The following LTF variants were observed in gnomAD, a reference collection of about 807,000 sequenced individuals.
LTF encodes the protein lactotransferrin, also known as epididymis luminal protein 110.
LTF carries 91 observed loss-of-function variants against 87.2 expected under a neutral mutation model. The observed-to-expected ratio is 1.04, with a 90% CI of 0.88 to 1.24. The LOEUF is 1.24. Ranked by LOEUF, LTF falls within the 50% of genes most tolerant of loss-of-function variation. The probability of loss-of-function intolerance (pLI) is 0.00; values close to 1 mark genes in which losing one functional copy is unlikely to be tolerated. For synonymous variants in LTF, 378 were observed against 356.1 expected (o/e 1.06, Z -0.69); for missense variants, 901 against 904.3 (o/e 1.00, Z 0.05).
intron 12 of LTF, among the ~76,000 whole-genome samples, chr3:46,444,915 C>T (rs1458930400): frequency 2.6e-5 from 4 of 152,196 alleles, no homozygotes; most frequent in African/African-American, 9.7e-5. Flanking sequence ...ATGAGGCAGG[C>T]AGACATCTTT....
At position 46,443,490 on chromosome 3, in the gene LTF, A is replaced by G; in HGVS notation, c.1606T>C (p.Cys536Arg). Residue 536 changes from cysteine (C) to arginine (R), a missense_variant, in exon 13 of 17, where the codon TGC becomes CGC. Coordinates refer to ENST00000231751, the MANE Select transcript of LTF (RefSeq NM_002343.6). The stretch of plus-strand genomic sequence containing the variant: ...TATCTCTCGTTGCTGTTGGGCACGC[A>G]CTTATTCTCACCCTGCTCGTCGCCA... ...CIGDEQGENK[C>R]VPNSNERYYG... 6.2e-7 allele frequency: 1 copy of G among 1,614,194 alleles called. No homozygotes were observed. The highest frequency in any genetic ancestry group is 8.5e-7 in the Non-Finnish European group (1 of 1,180,042).
upstream of LTF, among the ~76,000 whole-genome samples, chr3:46,467,587 AC>A (rs1703231782): frequency 6.6e-6 from 1 of 152,102 alleles, no homozygotes; most frequent in Admixed American, 6.5e-5. Flanking sequence ...ACTAGGGACA[AC>A]AAAAGTTCCC....
chr3:46,467,598 C>T (rs962211287), upstream of LTF, among the ~76,000 whole-genome samples: 4 of 151,982 alleles, frequency 2.6e-5, no homozygotes, highest in Non-Finnish European at 5.9e-5. Flanking sequence ...CAAAAGTTCC[C>T]TCTGGCTTTC....
rs145200820 is a variant in LTF at position 46,451,382 on chromosome 3, C to T, written c.704-709G>A. Reference sequence around the variant, plus strand: ...TCAATCTCACAGAGTATTTAAAAAGCTAATAGATTGGAATGAAGGTTTACC... The same window carrying T: ...TCAATCTCACAGAGTATTTAAAAAGTTAATAGATTGGAATGAAGGTTTACC... On this transcript the variant is annotated intron_variant, in intron 6 of 16. Transcript: ENST00000231751. Among the ~76,000 whole-genome samples the T allele has an allele frequency of 4.9e-3, 751 of 152,210 alleles. 6 individuals are homozygous for T. Among genetic ancestry groups the T allele is most frequent in the African/African-American group, 0.017 (705 of 41,534 alleles).
chr3:46,457,339 C>T (rs1335696294), intron 2 of LTF, among the ~76,000 whole-genome samples: 2 of 152,198 alleles, frequency 1.3e-5, no homozygotes, highest in African/African-American at 4.8e-5. Context: ...AATAATTTCC[C>T]CCAATGTTTA....
chr3:46,445,151 C>T lies in LTF; in HGVS notation c.1513+130G>A. The T allele has an allele frequency of 6.2e-6, 6 of 967,410 alleles. No individual in the cohort carries two copies. In the South Asian group the frequency reaches 1.0e-4, roughly 17 times the overall value. 59.9% of individuals were successfully genotyped at this position (967,410 alleles called of 1,614,324 possible). A position where few individuals can be genotyped will look rare whatever the true frequency, so the allele number is the denominator to read the frequency against. Reference sequence around the variant, plus strand: ...AGGGGGCAGCCACAGGGAGAATTTCCTTATGCTGGAAGAGGCCTGCAGGCC... The same window carrying T: ...AGGGGGCAGCCACAGGGAGAATTTCTTTATGCTGGAAGAGGCCTGCAGGCC... On this transcript the variant is annotated intron_variant, in intron 12 of 16. Transcript: ENST00000231751.
At chr3:46,457,387 T>A (rs189849255) in intron 2 of LTF, among the ~76,000 whole-genome samples, 4 of 152,362 alleles carry the variant, frequency 2.6e-5, no homozygotes, top group African/African-American at 4.8e-5. Flanking sequence ...CTGTGAAGAC[T>A]GTATTTTCAT....
intron 1 of LTF, among the ~76,000 whole-genome samples, chr3:46,471,204 T>C (rs2106917455): frequency 6.6e-6 from 1 of 152,292 alleles, no homozygotes; most frequent in African/African-American, 2.4e-5. Context: ...CTGCCTTTTC[T>C]AGAGTGTTCA....
chr3:46,450,365 C>T, intron 7 of LTF, 130 bp downstream of exon 7: 1 of 963,298 alleles, frequency 1.0e-6, no homozygotes, highest in Non-Finnish European at 1.6e-6. Context: ...GGCAAGCAGC[C>T]CAATGCATTA....
chr3:46,459,001 C>G (rs1703011170), intron 2 of LTF, among the ~76,000 whole-genome samples: 1 of 152,140 alleles, frequency 6.6e-6, no homozygotes, highest in Non-Finnish European at 1.5e-5. Flanking sequence ...ATGAAGTTGC[C>G]TCGGGAACTT....
chr3:46,465,140 C>A, upstream of LTF: 3 of 530,052 alleles, frequency 5.7e-6, no homozygotes, highest in Admixed American at 1.1e-4. Flanking sequence ...TTCTCTCCCA[C>A]TAGTCTGCAA....
At chr3:46,445,258 A>G in intron 12 of LTF, 23 bp downstream of exon 12, 1 of 1,593,446 alleles carries the variant, frequency 6.3e-7, no homozygotes, top group Non-Finnish European at 8.6e-7. Flanking sequence ...TGGCCCACCC[A>G]CCGCACCTTT....
chr3:46,441,489 A>T lies in LTF; in HGVS notation c.1656-6T>A, dbSNP rs17285324. ...CAGCATTCTCAGCCAGGCACCTAAA[A>T]TGTTCCAGAAAATATACACATAATT... On this transcript the variant is annotated splice_polypyrimidine_tract_variant and splice_region_variant and intron_variant, in intron 13 of 16. Coordinates refer to ENST00000231751, the MANE Select transcript of LTF (RefSeq NM_002343.6). 0.14 allele frequency: 228,952 copies of T among 1,608,758 alleles called. 18,826 individuals are homozygous for T. Among genetic ancestry groups the T allele is most frequent in the Non-Finnish European group, 0.17 (197,102 of 1,175,438 alleles).
Position 46,445,297 on chromosome 3 carries a change from C to A in LTF, c.1497G>T (p.Thr499=), listed in dbSNP as rs151143805. 32 of 1,609,956 alleles carry A rather than the reference C, an allele frequency of 2.0e-5. No homozygotes were observed. The highest frequency in any genetic ancestry group is 2.6e-5 in the Non-Finnish European group (31 of 1,178,028). Residue 499 remains threonine, a synonymous_variant, in exon 12 of 17, where the codon ACG becomes ACT. Transcript: ENST00000231751. ...NIPMGLLFNQ[T]GSCKFDEYFS... is the part of the protein sequence containing the mutation. ...ACTCCTTACCAAATTTGCAGGAGCC[C>A]GTCTGGTTGAAGAGCAGGCCCATGG...
Position 46,438,148 on chromosome 3 carries a change from C to T in LTF, c.1909-19G>A. ...ATTTAGCCTGCGACAAAAGGGCAGA[C>T]AGTGAGTAGCTAAGGAAAAGAGGAA... is the stretch of plus-strand genomic sequence containing the variant. On this transcript the variant is annotated intron_variant, in intron 15 of 16. Coordinates refer to ENST00000231751, the MANE Select transcript of LTF (RefSeq NM_002343.6). The T allele has an allele frequency of 3.7e-6, 6 of 1,602,716 alleles. No individual in the cohort carries two copies. The highest frequency in any genetic ancestry group is 1.3e-5 in the African/African-American group (1 of 74,482).
chr3:46,469,038 C>A (rs1334760003), upstream of LTF, among the ~76,000 whole-genome samples: 2 of 152,140 alleles, frequency 1.3e-5, no homozygotes, highest in Admixed American at 6.5e-5. Context: ...CTGTGCCATC[C>A]CTAGCAGAGA....
At chr3:46,472,296 C>G (rs1703301067) in intron 1 of LTF, among the ~76,000 whole-genome samples, 1 of 151,974 alleles carries the variant, frequency 6.6e-6, no homozygotes, top group African/African-American at 2.4e-5. Flanking sequence ...GAGTTCTCAT[C>G]CAGAGTCCTC....
At chr3:46,465,045 A>G (rs528447236), upstream of LTF, 5 of 661,848 alleles carry the variant, frequency 7.6e-6, no homozygotes, top group South Asian at 6.8e-5. Context: ...GCCCTGAGGC[A>G]GGACAGGACT....
chr3:46,438,679 ACATTAAGAGCTC>A (rs1272026918), intron 15 of LTF, among the ~76,000 whole-genome samples: 1 of 152,214 alleles, frequency 6.6e-6, no homozygotes, highest in Non-Finnish European at 1.5e-5. Context: ...CTGTGTGTGC[ACATTAAGAGCTC>A]CATAAAGGCC....
Sources: gnomAD v4.1 joint callset for allele counts (sites outside exome capture counted in the v4.1 genomes callset) on GRCh38, gnomAD v4.1.1 for gene constraint, MANE v1.5 for transcripts, NCBI Gene and HGNC (gene_info 2026-07-23, HGNC 2026-07-21) for gene names.